Variants in OPHN1 observed in about 807,000 individuals in gnomAD.
OPHN1 encodes the protein oligophrenin 1.
A neutral mutation model predicts 60.7 loss-of-function variants in OPHN1; 11 were observed. The ratio of observed to expected loss-of-function variants is 0.18; its 90% CI spans 0.11 to 0.30. OPHN1 has a LOEUF of 0.30. Among genes scored for constraint, OPHN1 ranks in the 10% least tolerant of loss-of-function variants. The pLI, the probability that OPHN1 is intolerant of heterozygous loss-of-function variation, is 1.00. For missense variants in OPHN1, 449 were observed against 611.0 expected (o/e 0.73, Z 2.80); for synonymous variants, 226 against 222.6 (o/e 1.02, Z -0.14).
intron 5 of OPHN1, among the ~76,000 whole-genome samples, chrX:68,247,420 T>C (rs749341020): frequency 3.6e-5 from 4 of 111,852 alleles, no homozygotes; most frequent in Non-Finnish European, 7.5e-5. Flanking sequence ...ATAAATATAG[T>C]AACTAAGCTT....
intron 4 of OPHN1, among the ~76,000 whole-genome samples, chrX:68,275,594 C>G (rs1369263695): frequency 1.8e-5 from 2 of 111,452 alleles, no homozygotes; most frequent in Non-Finnish European, 3.8e-5. Flanking sequence ...ATCTAAAGGG[C>G]TGCATTTTGG....
In OPHN1 at chrX:68,299,086, A is replaced by C. The variant is rs959773659; in HGVS notation, c.165T>G (p.Ser55=). The C allele has an allele frequency of 8.6e-6, 10 of 1,166,070 alleles. No individual in the cohort carries two copies. In the African/African-American group the frequency reaches 1.4e-4, roughly 17 times the overall value. The change falls in exon 3 of 25, where the codon TCT becomes TCG. Residue 55 remains serine, a synonymous_variant. Transcript: ENST00000355520. ...ALISAMRNYS[S]AVQKFSQTLQ... is the part of the protein sequence containing the mutation. The stretch of plus-strand genomic sequence containing the variant: ...GCGTCTGGGAAAATTTCTGAACAGC[A>C]GAAGAATAATCTGCAAAGGAAGGGT...
At chrX:68,091,602 G>T (rs1276432435) in intron 19 of OPHN1, among the ~76,000 whole-genome samples, 1 of 110,934 alleles carries the variant, frequency 9.0e-6, no homozygotes, top group Non-Finnish European at 1.9e-5. Flanking sequence ...GGTCTTTAGG[G>T]CCCCTTTCCA....
intron 2 of OPHN1, among the ~76,000 whole-genome samples, chrX:68,333,631 G>A (rs1038527172): frequency 1.4e-4 from 15 of 109,640 alleles, no homozygotes; most frequent in Admixed American, 1.3e-3. Flanking sequence ...GTGAAACTCC[G>A]TCTCAAAATA....
At chrX:68,117,410 A>G (rs1210085196) in intron 16 of OPHN1, among the ~76,000 whole-genome samples, 1 of 111,925 alleles carries the variant, frequency 8.9e-6, no homozygotes, top group African/African-American at 3.2e-5. Flanking sequence ...CATTTGTATG[A>G]TTATTTGTCT....
At chrX:68,382,271 T>G (rs748578542) in intron 2 of OPHN1, among the ~76,000 whole-genome samples, 1 of 110,390 alleles carries the variant, frequency 9.1e-6, no homozygotes, top group East Asian at 2.8e-4. Context: ...CACTTGAATC[T>G]GGGAGGCAGA....
chrX:68,153,399 A>C (rs2077294801), intron 15 of OPHN1, among the ~76,000 whole-genome samples: 1 of 111,094 alleles, frequency 9.0e-6, no homozygotes. Context: ...GAGTTTTGGT[A>C]GAGCTGAAAA....
At chrX:68,385,582 A>G (rs2078620449) in intron 2 of OPHN1, among the ~76,000 whole-genome samples, 1 of 112,478 alleles carries the variant, frequency 8.9e-6, no homozygotes, top group Non-Finnish European at 1.9e-5. Context: ...TGAAAAAGGA[A>G]AAGAAAAAAT....
chrX:68,100,116 G>T (rs1231953421), intron 18 of OPHN1, among the ~76,000 whole-genome samples: 1 of 111,539 alleles, frequency 9.0e-6, no homozygotes, highest in Non-Finnish European at 1.9e-5. Flanking sequence ...GGGACTTCCA[G>T]CTCTGACAAT....
intron 5 of OPHN1, among the ~76,000 whole-genome samples, chrX:68,272,589 G>C (rs2077974949): frequency 8.9e-6 from 1 of 112,083 alleles, no homozygotes; most frequent in Admixed American, 9.5e-5. Flanking sequence ...ATTCAGTACA[G>C]TTAACACCCG....
intron 4 of OPHN1, among the ~76,000 whole-genome samples, chrX:68,280,708 A>C (rs1228517720): frequency 8.9e-6 from 1 of 111,803 alleles, no homozygotes; most frequent in Admixed American, 9.5e-5. Flanking sequence ...ACATTTCAAC[A>C]TTTAAGTCCC....
intron 2 of OPHN1, among the ~76,000 whole-genome samples, chrX:68,314,079 T>C: frequency 9.0e-6 from 1 of 111,718 alleles, no homozygotes; most frequent in Non-Finnish European, 1.9e-5. Flanking sequence ...TATAAGAGAA[T>C]ACTATAAACA....
intron 2 of OPHN1, among the ~76,000 whole-genome samples, chrX:68,337,694 C>T (rs1019328729): frequency 9.4e-6 from 1 of 106,042 alleles, no homozygotes; most frequent in African/African-American, 3.5e-5. Context: ...CTACAGGAGA[C>T]ACATCTCACA....
chrX:68,374,224 C>T (rs757185269), intron 2 of OPHN1, among the ~76,000 whole-genome samples: 14 of 109,103 alleles, frequency 1.3e-4, no homozygotes, highest in African/African-American at 4.3e-4. Context: ...GGCGTGGTGC[C>T]GCACGCATGT....
intron 15 of OPHN1, chrX:68,133,495 A>G: frequency 2.0e-6 from 1 of 496,890 alleles, no homozygotes; most frequent in South Asian, 2.3e-5. Flanking sequence ...TGCCTGCTGT[A>G]CACTTTTTGC....
chrX:68,426,553 T>TTTCTGAC lies in OPHN1; in HGVS notation c.154+6313_154+6314insGTCAGAA, dbSNP rs1569310653. Among the ~76,000 whole-genome samples, 59 of 44,368 alleles carry TTTCTGAC rather than the reference T, an allele frequency of 1.3e-3. 1 individual carries two copies. Among genetic ancestry groups the TTTCTGAC allele is most frequent in the Admixed American group, 3.8e-3 (15 of 3,900 alleles). The allele number at this position is 44,368 out of a possible 115,157, so 38.5% of individuals were successfully genotyped here. A position where few individuals can be genotyped will look rare whatever the true frequency, so the allele number is the denominator to read the frequency against. ...TATATTTTTTTTCTGACATCTGTTT[T>TTTCTGAC]ATATATATATATATATACATACACA... On this transcript the variant is annotated intron_variant, in intron 2 of 24. Coordinates refer to ENST00000355520, the MANE Select transcript of OPHN1 (RefSeq NM_002547.3).
At chrX:68,134,456 C>G (rs1374006631) in intron 15 of OPHN1, among the ~76,000 whole-genome samples, 1 of 111,652 alleles carries the variant, frequency 9.0e-6, no homozygotes, top group Non-Finnish European at 1.9e-5. Context: ...TTAGAACAAA[C>G]TGGAGATGGG....
At chrX:68,279,699 GCA>G (rs1395734528) in intron 4 of OPHN1, among the ~76,000 whole-genome samples, 1 of 111,662 alleles carries the variant, frequency 9.0e-6, no homozygotes, top group Middle Eastern at 4.2e-3. Context: ...TGAATTCCTG[GCA>G]TGGGGTGAAA....
intron 6 of OPHN1, among the ~76,000 whole-genome samples, chrX:68,227,773 T>G (rs1186964365): frequency 9.0e-6 from 1 of 110,920 alleles, no homozygotes; most frequent in Non-Finnish European, 1.9e-5. Context: ...GAGGGAAATT[T>G]ATAGCACTAA....
Sources: allele counts gnomAD v4.1 joint callset (sites outside exome capture counted in the v4.1 genomes callset), GRCh38; gene constraint gnomAD v4.1.1; transcripts MANE v1.5; gene names NCBI Gene and HGNC (gene_info 2026-07-23, HGNC 2026-07-21).